The following MED9 variants were observed in gnomAD, a reference collection of about 807,000 sequenced individuals.
The protein encoded by MED9 is mediator of RNA polymerase II transcription subunit 9.
MED9 carries 8 observed loss-of-function variants against 13.2 expected under a neutral mutation model. The ratio of observed to expected loss-of-function variants is 0.61; its 90% CI spans 0.36 to 1.10. The LOEUF (loss-of-function observed/expected upper bound fraction) is 1.10. Ranked by LOEUF, MED9 falls within the 50% of genes least tolerant of loss-of-function variation. The pLI, the probability that MED9 is intolerant of heterozygous loss-of-function variation, is 0.02. For missense variants in MED9, 180 were observed against 193.4 expected (o/e 0.93, Z 0.41); for synonymous variants, 87 against 82.8 (o/e 1.05, Z -0.28).
rs1485666975 is a variant in MED9, at chr17:17,479,715, C to A, written c.224+2450C>A. On this transcript the variant is annotated intron_variant, in intron 1 of 1. Coordinates refer to ENST00000268711, the MANE Select transcript of MED9 (RefSeq NM_018019.3). Reference sequence around the variant, plus strand: ...TGGTGGTGTGTGCCTGCAGTCCTGGCTACTTGGGAGGCTGAAGTGGGAGGA... The same window carrying A: ...TGGTGGTGTGTGCCTGCAGTCCTGGATACTTGGGAGGCTGAAGTGGGAGGA... 3.9e-5 allele frequency among the ~76,000 whole-genome samples: 6 copies of A among 152,282 alleles called. No individual in the cohort carries two copies. In the East Asian group the frequency reaches 1.2e-3, roughly 29 times the overall value.
chr17:17,485,902 G>A (rs1184792204), intron 1 of MED9: 2 of 152,234 alleles, frequency 1.3e-5, no homozygotes, highest in Non-Finnish European at 2.9e-5. Context: ...TGAAAGCAAG[G>A]GTGTGAGTTC....
At chr17:17,484,700 T>C (rs1905094342) in intron 1 of MED9, among the ~76,000 whole-genome samples, 1 of 152,236 alleles carries the variant, frequency 6.6e-6, no homozygotes, top group Admixed American at 6.5e-5. Context: ...AGATGAGGTG[T>C]TTCCAGTCTG....
rs1374470932 is a variant in MED9, at chr17:17,492,420, AC to A, written c.*926del. 6.6e-6 allele frequency: 1 copy of A among 152,166 alleles called. No homozygotes were observed. Among genetic ancestry groups the A allele is most frequent in the Non-Finnish European group, 1.5e-5 (1 of 68,046 alleles). The allele number at this position is 152,166 out of a possible 1,614,324, so 9.4% of individuals were successfully genotyped here. ...CACTTGCGGCAGCAACGTGTACTACACTGCAGAAGGGTTCAGTATGCACCTT... is the reference window on the plus strand; with the variant it reads ...CACTTGCGGCAGCAACGTGTACTACATGCAGAAGGGTTCAGTATGCACCTT... On this transcript the variant is annotated 3_prime_UTR_variant, in exon 2 of 2. Coordinates refer to ENST00000268711, the MANE Select transcript of MED9 (RefSeq NM_018019.3).
At position 17,491,378 on chromosome 17, in the gene MED9, C is replaced by T. The variant is rs1488816348; in HGVS notation, c.324C>T (p.His108=). The stretch of plus-strand genomic sequence containing the variant: ...TCATCAGCACCATGCCCGGCATCCA[C>T]CTGAGCCCCGAACAGCAGCAGCAGC... ...RKLISTMPGI[H]LSPEQQQQQL... The change falls in exon 2 of 2, where the codon CAC becomes CAT. Residue 108 remains histidine, a synonymous_variant. Coordinates refer to ENST00000268711, the MANE Select transcript of MED9 (RefSeq NM_018019.3). The T allele has an allele frequency of 3.1e-6, 5 of 1,613,912 alleles. No individual in the cohort carries two copies. Among genetic ancestry groups the T allele is most frequent in the Admixed American group, 3.3e-5 (2 of 60,008 alleles).
In MED9 at chr17:17,477,012, CCGA is replaced by C. The variant is rs769347095; in HGVS notation, c.-28_-26del. ...TAGAGTGCGCGACGCTTTTGGCGAC[CCGA>C]CCTCTGGCTAACCTACCCCCGGAGC... is the stretch of plus-strand genomic sequence containing the variant. On this transcript the variant is annotated 5_prime_UTR_variant, in exon 1 of 2. Coordinates refer to ENST00000268711, the MANE Select transcript of MED9 (RefSeq NM_018019.3). 8 of 1,601,814 alleles carry C rather than the reference CCGA, an allele frequency of 5.0e-6. No individual in the cohort carries two copies. In the South Asian group the frequency reaches 5.5e-5, roughly 11 times the overall value.
chr17:17,493,213 G>A lies in MED9; in HGVS notation c.*1718G>A, dbSNP rs1348788562. On this transcript the variant is annotated 3_prime_UTR_variant, in exon 2 of 2. Transcript: ENST00000268711. The stretch of plus-strand genomic sequence containing the variant: ...TAATTAAAAGGACTTATGCTCTGCT[G>A]TCTCAGGACATAATGCTTTTTGTAC... 6.6e-6 allele frequency: 1 copy of A among 152,210 alleles called. No individual in the cohort carries two copies. The highest frequency in any genetic ancestry group is 1.5e-5 in the Non-Finnish European group (1 of 68,044). 9.4% of individuals were successfully genotyped at this position (152,210 alleles called of 1,614,324 possible).
chr17:17,490,207 A>T (rs185158932), intron 1 of MED9, among the ~76,000 whole-genome samples: 47 of 152,362 alleles, frequency 3.1e-4, no homozygotes, highest in Admixed American at 2.2e-3. Context: ...AGGCCGAGGC[A>T]GGTGGATCAC....
chr17:17,482,544 C>T (rs1905049290), intron 1 of MED9, among the ~76,000 whole-genome samples: 1 of 151,942 alleles, frequency 6.6e-6, no homozygotes, highest in Non-Finnish European at 1.5e-5. Flanking sequence ...AATACTTCCT[C>T]CAGGTTGTTG....
intron 1 of MED9, chr17:17,487,533 G>A: frequency 6.3e-6 from 1 of 158,400 alleles, no homozygotes. Flanking sequence ...GCGAAGGTCT[G>A]CAGCTTCCCT....
At chr17:17,488,645 C>G (rs902712029) in intron 1 of MED9, among the ~76,000 whole-genome samples, 4 of 152,128 alleles carry the variant, frequency 2.6e-5, no homozygotes, top group African/African-American at 9.7e-5. Flanking sequence ...ACCAGCCTGG[C>G]CAACGTGGAG....
At chr17:17,487,187 A>G (rs1905148758) in intron 1 of MED9, 1 of 152,240 alleles carries the variant, frequency 6.6e-6, no homozygotes, top group African/African-American at 2.4e-5. Flanking sequence ...TAGCTCAGGG[A>G]TTGTAAATGC....
intron 1 of MED9, among the ~76,000 whole-genome samples, chr17:17,488,758 G>A (rs533278945): frequency 2.8e-4 from 43 of 152,198 alleles, no homozygotes; most frequent in Admixed American, 4.6e-4. Flanking sequence ...ACTTGAACCC[G>A]GGAGGCGGAG....
At chr17:17,484,711 C>T (rs1905094571) in intron 1 of MED9, among the ~76,000 whole-genome samples, 1 of 152,238 alleles carries the variant, frequency 6.6e-6, no homozygotes, top group South Asian at 2.1e-4. Context: ...TTCCAGTCTG[C>T]CTAAAAGCCT....
chr17:17,491,690 C>T lies in MED9; in HGVS notation c.*195C>T. ...GCAGAGCTTGGCTGCGCCGGGGGTT[C>T]CTCGTGTAGATCCATATGTCTAGAT... On this transcript the variant is annotated 3_prime_UTR_variant, in exon 2 of 2. Coordinates refer to ENST00000268711, the MANE Select transcript of MED9 (RefSeq NM_018019.3). 1.7e-6 allele frequency: 1 copy of T among 597,824 alleles called. No individual in the cohort carries two copies. Among genetic ancestry groups the T allele is most frequent in the East Asian group, 2.8e-5 (1 of 35,448 alleles). The allele number at this position is 597,824 out of a possible 1,614,324, so 37.0% of individuals were successfully genotyped here. A position where few individuals can be genotyped will look rare whatever the true frequency, so the allele number is the denominator to read the frequency against.
At chr17:17,488,988 A>G (rs552882319) in intron 1 of MED9, among the ~76,000 whole-genome samples, 1 of 152,330 alleles carries the variant, frequency 6.6e-6, no homozygotes, top group African/African-American at 2.4e-5. Context: ...ACACAAAGGT[A>G]GGCCCACTTA....
At chr17:17,482,613 A>G (rs1039530171) in intron 1 of MED9, among the ~76,000 whole-genome samples, 1 of 152,130 alleles carries the variant, frequency 6.6e-6, no homozygotes, top group Admixed American at 6.5e-5. Context: ...ATTCAGATGC[A>G]TATAATTTCA....
intron 1 of MED9, chr17:17,487,083 C>T (rs1160662381): frequency 6.6e-6 from 1 of 152,256 alleles, no homozygotes; most frequent in African/African-American, 2.4e-5. Flanking sequence ...CCAATCGACA[C>T]TCTGTATCTA....
At chr17:17,485,563 G>T in intron 1 of MED9, 1 of 380,034 alleles carries the variant, frequency 2.6e-6, no homozygotes, top group Non-Finnish European at 4.6e-6. Context: ...GGGCACACAG[G>T]TGCAAGCCTG....
intron 1 of MED9, chr17:17,488,230 T>G (rs1905170912): frequency 6.6e-6 from 1 of 151,766 alleles, no homozygotes; most frequent in Admixed American, 6.6e-5. Context: ...TGCATGGAAG[T>G]TGTGAGGAAG....
Sources: allele counts gnomAD v4.1 joint callset (sites outside exome capture counted in the v4.1 genomes callset), GRCh38; gene constraint gnomAD v4.1.1; transcripts MANE v1.5; gene names NCBI Gene and HGNC (gene_info 2026-07-23, HGNC 2026-07-21).